The following ANKRD18B variants were observed in gnomAD, a reference collection of about 807,000 sequenced individuals.
The protein encoded by ANKRD18B is ankyrin repeat domain 18B, also known as ankyrin repeat domain-containing protein 18B.
A neutral mutation model predicts 111.8 loss-of-function variants in ANKRD18B; 75 were observed. That is an observed-to-expected ratio of 0.67 (90% CI 0.56 to 0.81). The LOEUF (loss-of-function observed/expected upper bound fraction) is 0.81. Ranked by LOEUF, ANKRD18B falls within the 40% of genes least tolerant of loss-of-function variation. The pLI is 0.00. For missense variants in ANKRD18B, 1,038 were observed against 1,225.5 expected (o/e 0.85, Z 2.28); for synonymous variants, 356 against 417.3 (o/e 0.85, Z 1.79).
In ANKRD18B at chr9:33,566,218, G is replaced by C. The variant is rs1178782218; in HGVS notation, c.2461-1G>C. 1.1e-5 allele frequency: 17 copies of C among 1,550,442 alleles called. No homozygotes were observed. The highest frequency in any genetic ancestry group is 5.9e-5 in the Admixed American group (3 of 50,944). On this transcript the variant is annotated splice_acceptor_variant, in intron 14 of 18. Transcript: ENST00000684830. LOFTEE classifies it high-confidence loss of function. ...CAAGCTCTATTATTTTATTAATGCA[G>C]TTTGATGATCTTATGGCCGAGAAGG...
chr9:33,568,892 A>G lies in ANKRD18B; in HGVS notation c.3176A>G (p.Glu1059Gly), dbSNP rs1315472057. ...AATAACTGCAAGAACTCCTTGACTG[A>G]GGTTAGTTATATGACCATTTCTCTT... ...TSNNCKNSLTEMELDCAEQII... is the reference protein window; with the variant it reads ...TSNNCKNSLTGMELDCAEQII... Residue 1059 changes from glutamate (E) to glycine (G), a missense_variant and splice_region_variant, in exon 17 of 19, where the codon GAG (glutamate) becomes GGG (glycine). By Grantham distance (98) the Glu-to-Gly change is moderately conservative (BLOSUM62 -2). This residue lies in a region of ANKRD18B where 524 missense variants were observed against 677.9 expected (regional missense o/e 0.77). Coordinates refer to ENST00000684830, the MANE Select transcript of ANKRD18B (RefSeq NM_001393611.1). The G allele has an allele frequency of 6.5e-7, 1 of 1,543,482 alleles. No individual in the cohort carries two copies. Among genetic ancestry groups the G allele is most frequent in the South Asian group, 1.2e-5 (1 of 82,240 alleles).
At chr9:33,557,748 A>G (rs193169921) in intron 13 of ANKRD18B, among the ~76,000 whole-genome samples, 26 of 152,298 alleles carry the variant, frequency 1.7e-4, no homozygotes, top group Admixed American at 3.3e-4. Context: ...TGATCACGCC[A>G]TCACACTTCA....
intron 1 of ANKRD18B, among the ~76,000 whole-genome samples, 171 bp downstream of exon 1, chr9:33,524,866 T>C (rs968168777): frequency 2.0e-5 from 3 of 152,226 alleles, no homozygotes; most frequent in Non-Finnish European, 2.9e-5. Flanking sequence ...TGGTGGATAA[T>C]TGGAGTGATT....
Position 33,524,715 on chromosome 9 carries a change from C to T in ANKRD18B, c.206+20C>T, listed in dbSNP as rs1828001379. ...AGACAGGTAGCGGGGGCTCAGCCCT[C>T]GGTGGGAGGGGGCCCCCAGGCCCGG... On this transcript the variant is annotated intron_variant, in intron 1 of 18. Transcript: ENST00000684830. The T allele has an allele frequency of 6.5e-7, 1 of 1,544,946 alleles. No individual in the cohort carries two copies. The highest frequency in any genetic ancestry group is 8.7e-7 in the Non-Finnish European group (1 of 1,144,104).
intron 12 of ANKRD18B, among the ~76,000 whole-genome samples, chr9:33,554,403 G>A (rs961755310): frequency 6.6e-6 from 1 of 152,216 alleles, no homozygotes; most frequent in Non-Finnish European, 1.5e-5. Flanking sequence ...TCTATAATAT[G>A]TGTACTAGAG....
chr9:33,546,806 A>T (rs1828362654), intron 10 of ANKRD18B, among the ~76,000 whole-genome samples: 1 of 152,100 alleles, frequency 6.6e-6, no homozygotes. Context: ...TCCATTATCA[A>T]GTAGATAATG....
chr9:33,535,796 A>G (rs921072799), intron 5 of ANKRD18B, among the ~76,000 whole-genome samples: 7 of 145,382 alleles, frequency 4.8e-5, no homozygotes, highest in Non-Finnish European at 9.0e-5. Flanking sequence ...ATATATAATT[A>G]TTATAGATTA....
In ANKRD18B at chr9:33,540,225, T is replaced by C. The variant is rs1828259202; in HGVS notation, c.997+13T>C. On this transcript the variant is annotated intron_variant, in intron 8 of 18. Coordinates refer to ENST00000684830, the MANE Select transcript of ANKRD18B (RefSeq NM_001393611.1). ...CGACCATGCCCAGGTAATTTTTGTATTTTTAGTAGAGACAGGGTTTCACCA... is the reference window on the plus strand; with the variant it reads ...CGACCATGCCCAGGTAATTTTTGTACTTTTAGTAGAGACAGGGTTTCACCA... 3 of 151,502 alleles carry C rather than the reference T, an allele frequency of 2.0e-5. No homozygotes were observed. The South Asian group carries it at 6.3e-4, about 32-fold the overall frequency. The allele number at this position is 151,502 out of a possible 1,614,324, so 9.4% of individuals were successfully genotyped here.
Position 33,524,653 on chromosome 9 carries a change from C to T in ANKRD18B, c.164C>T (p.Thr55Met). The T allele has an allele frequency of 6.4e-7, 1 of 1,551,198 alleles. No homozygotes were observed. Among genetic ancestry groups the T allele is most frequent in the South Asian group, 1.2e-5 (1 of 84,030 alleles). Residue 55 changes from threonine to methionine, a missense_variant, in exon 1 of 19, where the codon ACG (threonine) becomes ATG (methionine). Thr to Met is a moderately conservative substitution (Grantham distance 81, BLOSUM62 -1). This residue lies in a region of ANKRD18B where 216 missense variants were observed against 205.1 expected (regional missense o/e 1.05). Transcript: ENST00000684830. ...GDAAEVEHCL[T>M]RRFRDLDVRD... ...GCCGCAGAGGTGGAGCACTGCCTGA[C>T]GCGCAGGTTCCGGGACTTGGACGTC... is the stretch of plus-strand genomic sequence containing the variant.
At chr9:33,555,109 G>A (rs1483128743) in intron 12 of ANKRD18B, among the ~76,000 whole-genome samples, 1 of 150,678 alleles carries the variant, frequency 6.6e-6, no homozygotes, top group Non-Finnish European at 1.5e-5. Flanking sequence ...GGGAGAAACA[G>A]GATAATAGAA....
chr9:33,530,738 G>C (rs1828102054), intron 3 of ANKRD18B, among the ~76,000 whole-genome samples: 1 of 152,132 alleles, frequency 6.6e-6, no homozygotes, highest in South Asian at 2.1e-4. Context: ...TTGTGACTGG[G>C]AAGTGAAAGG....
At chr9:33,524,812 C>G in intron 1 of ANKRD18B, 117 bp downstream of exon 1, 1 of 1,236,156 alleles carries the variant, frequency 8.1e-7, no homozygotes, top group Non-Finnish European at 1.1e-6. Context: ...CCAAATGGAG[C>G]CTCAGCTGCT....
At position 33,524,536 on chromosome 9, in the gene ANKRD18B, TGA is replaced by T; in HGVS notation, c.49_50del (p.Ser17LeufsTer81). On this transcript the variant is annotated frameshift_variant, in exon 1 of 19. Transcript: ENST00000684830. LOFTEE classifies it high-confidence loss of function. ...GGGAGACGCCTGGGCCAGGCGCTCC[TGA>T]GCTCCATGGACCAAGAGTATGCGGG... 1 of 1,551,258 alleles carries T rather than the reference TGA, an allele frequency of 6.4e-7. No homozygotes were observed. Among genetic ancestry groups the T allele is most frequent in the Non-Finnish European group, 8.7e-7 (1 of 1,146,786 alleles).
chr9:33,550,011 T>G (rs564800517), intron 11 of ANKRD18B, among the ~76,000 whole-genome samples: 2 of 152,082 alleles, frequency 1.3e-5, no homozygotes, highest in Admixed American at 6.6e-5. Flanking sequence ...GAGAGTGGGA[T>G]TGAAGTTTGT....
chr9:33,548,692 G>A lies in ANKRD18B; in HGVS notation c.1904G>A (p.Arg635His), dbSNP rs41313776. The change falls in exon 11 of 19, where the codon CGT becomes CAT. Residue 635 changes from arginine to histidine, a missense_variant. By Grantham distance (29) the Arg-to-His change is conservative (BLOSUM62 0). Coordinates refer to ENST00000684830, the MANE Select transcript of ANKRD18B (RefSeq NM_001393611.1). ...CTTGAACGACAACTAGAGGATGCTC[G>A]TAAGGAAGGTGATAATAAAGAGATA... ...LLLERQLEDA[R>H]KEGDNKEIVI... 0.074 allele frequency: 114,042 copies of A among 1,551,000 alleles called. 4,507 individuals are homozygous for A. The highest frequency in any genetic ancestry group is 0.12 in the Middle Eastern group (745 of 5,984).
Position 33,524,621 on chromosome 9 carries a change from G to A in ANKRD18B, c.132G>A (p.Lys44=). The change falls in exon 1 of 19, where the codon AAG becomes AAA. Residue 44 remains lysine, a synonymous_variant. Transcript: ENST00000684830. Reference sequence around the variant, plus strand: ...GGAAGATCCACAGGGCGGCCATCAAGGGCGACGCCGCAGAGGTGGAGCACT... The same window carrying A: ...GGAAGATCCACAGGGCGGCCATCAAAGGCGACGCCGCAGAGGTGGAGCACT... ...ELRKIHRAAI[K]GDAAEVEHCL... The A allele has an allele frequency of 6.4e-7, 1 of 1,551,602 alleles. No homozygotes were observed. The highest frequency in any genetic ancestry group is 8.7e-7 in the Non-Finnish European group (1 of 1,146,894).
intron 12 of ANKRD18B, among the ~76,000 whole-genome samples, chr9:33,553,473 G>A (rs1439950696): frequency 6.6e-6 from 1 of 152,060 alleles, no homozygotes; most frequent in Non-Finnish European, 1.5e-5. Context: ...TATAATAAGG[G>A]GCAGCTTTAA....
At position 33,571,284 on chromosome 9, in the gene ANKRD18B, A is replaced by G. The variant is rs1304008106; in HGVS notation, c.3216A>G (p.Thr1072=). The G allele has an allele frequency of 8.5e-7, 1 of 1,170,044 alleles. No homozygotes were observed. The allele number at this position is 1,170,044 out of a possible 1,614,324, so 72.5% of individuals were successfully genotyped here. A position where few individuals can be genotyped will look rare whatever the true frequency, so the allele number is the denominator to read the frequency against. ...LDCAEQIITE[T]KKTFAALGPC... ...GTGCAGAACAAATAATTACAGAAAC[A>G]AAGAAAAGTATGTTGCCAAAATGTA... Residue 1072 remains threonine (T), a synonymous_variant, in exon 18 of 19, where the codon ACA becomes ACG. Coordinates refer to ENST00000684830, the MANE Select transcript of ANKRD18B (RefSeq NM_001393611.1).
intron 3 of ANKRD18B, among the ~76,000 whole-genome samples, chr9:33,532,298 A>G (rs530941181): frequency 6.6e-6 from 1 of 152,312 alleles, no homozygotes; most frequent in African/African-American, 2.4e-5. Context: ...CAAGCCCTAT[A>G]CATCAGTATT....
Sources: allele counts gnomAD v4.1 joint callset (sites outside exome capture counted in the v4.1 genomes callset), GRCh38; gene constraint gnomAD v4.1.1; regional missense constraint gnomAD v4.1.1; transcripts MANE v1.5; gene names NCBI Gene and HGNC (gene_info 2026-07-23, HGNC 2026-07-21).